SLC35D4: variants seen among roughly 807,000 people sequenced by gnomAD.
SLC35D4 encodes the protein solute carrier family 35 member D4, also known as UDP-N-acetylglucosamine transporter SLC35D4.
the SLC35D4 span, among the ~76,000 whole-genome samples, chr18:23,248,190 C>T: frequency 3.9e-5 from 6 of 152,182 alleles, no homozygotes; most frequent in African/African-American, 9.7e-5. Flanking sequence ...GGGAGTGTGG[C>T]GCAGGGGCAG....
the SLC35D4 span, among the ~76,000 whole-genome samples, chr18:23,384,723 C>T: frequency 0.022 from 3,313 of 152,344 alleles, 47 homozygotes; most frequent in Middle Eastern, 0.058. Flanking sequence ...AGCAGGCCCA[C>T]AGCAAACTCC....
chr18:23,291,087 C>T, the SLC35D4 span, among the ~76,000 whole-genome samples: 5 of 152,210 alleles, frequency 3.3e-5, no homozygotes, highest in East Asian at 1.9e-4. Context: ...GAATGAATGA[C>T]GTGCTTTGAG....
At chr18:23,371,511 G>A in the SLC35D4 span, 4 of 1,519,804 alleles carry the variant, frequency 2.6e-6, no homozygotes, top group East Asian at 2.3e-5. Context: ...GGCTATAAGT[G>A]CAAGGCAAAT....
the SLC35D4 span, among the ~76,000 whole-genome samples, chr18:23,376,027 C>CAT: frequency 6.6e-6 from 1 of 152,142 alleles, no homozygotes; most frequent in African/African-American, 2.4e-5. Context: ...ATAGAGGCAA[C>CAT]ATATATATAG....
the SLC35D4 span, among the ~76,000 whole-genome samples, chr18:23,329,092 C>G: frequency 6.6e-6 from 1 of 152,162 alleles, no homozygotes; most frequent in African/African-American, 2.4e-5. Context: ...AGACCTAAAA[C>G]CATAAAAACC....
the SLC35D4 span, chr18:23,430,762 A>G: frequency 3.8e-5 from 46 of 1,217,662 alleles, no homozygotes; most frequent in Admixed American, 2.3e-4. Context: ...CTATTAAAAA[A>G]CATAACCACA....
At chr18:23,370,805 C>A in the SLC35D4 span, among the ~76,000 whole-genome samples, 2 of 152,078 alleles carry the variant, frequency 1.3e-5, no homozygotes, top group East Asian at 3.9e-4. Flanking sequence ...TAGAGAAGAC[C>A]AATCAGCATT....
chr18:23,304,489 T>A, the SLC35D4 span, among the ~76,000 whole-genome samples: 1 of 143,914 alleles, frequency 6.9e-6, no homozygotes, highest in African/African-American at 2.6e-5. Flanking sequence ...GAATTATATA[T>A]AAATGACATT....
chr18:23,393,327 TACAACCATC>T, the SLC35D4 span, among the ~76,000 whole-genome samples: 1 of 152,294 alleles, frequency 6.6e-6, no homozygotes, highest in Non-Finnish European at 1.5e-5. Context: ...CACACCATTG[TACAACCATC>T]ACCACCCTCC....
the SLC35D4 span, among the ~76,000 whole-genome samples, chr18:23,276,889 A>G: frequency 6.6e-6 from 1 of 152,204 alleles, no homozygotes; most frequent in Admixed American, 6.5e-5. Context: ...TGCAGGACTC[A>G]TGGAGCTCAG....
chr18:23,242,052 G>A, the SLC35D4 span, among the ~76,000 whole-genome samples: 4 of 152,166 alleles, frequency 2.6e-5, no homozygotes, highest in Admixed American at 2.6e-4. Context: ...GAGGCGGGTG[G>A]ATCACCTGAG....
chr18:23,361,120 A>AAG, the SLC35D4 span, among the ~76,000 whole-genome samples: 266 of 138,242 alleles, frequency 1.9e-3, 1 homozygote, highest in African/African-American at 2.7e-3. Context: ...AAAAAAAAAA[A>AAG]AAAAAGAAAA....
the SLC35D4 span, among the ~76,000 whole-genome samples, chr18:23,345,841 A>C: frequency 6.6e-6 from 1 of 152,176 alleles, no homozygotes; most frequent in Non-Finnish European, 1.5e-5. Flanking sequence ...CCTCTCAAAA[A>C]GGTTTTATAG....
chr18:23,423,868 G>A, the SLC35D4 span, among the ~76,000 whole-genome samples: 1 of 152,140 alleles, frequency 6.6e-6, no homozygotes, highest in Non-Finnish European at 1.5e-5. Flanking sequence ...CCCCAGCACC[G>A]GAGCACTGGA....
chr18:23,253,974 G>T, the SLC35D4 span: 1 of 1,568,606 alleles, frequency 6.4e-7, no homozygotes, highest in Non-Finnish European at 8.8e-7. Flanking sequence ...AGGAGCACAT[G>T]CTCCGGTCCG....
the SLC35D4 span, among the ~76,000 whole-genome samples, chr18:23,275,856 T>G: frequency 6.6e-6 from 1 of 152,152 alleles, no homozygotes; most frequent in South Asian, 2.1e-4. Flanking sequence ...AGAACAGATG[T>G]CGTGTGACTC....
At chr18:23,384,001 T>TG in the SLC35D4 span, among the ~76,000 whole-genome samples, 12,425 of 37,232 alleles carry the variant, frequency 0.33, 2,824 homozygotes, top group Admixed American at 0.39. Context: ...TTCCAAAAAT[T>TG]GGGGGGGGGG....
the SLC35D4 span, among the ~76,000 whole-genome samples, chr18:23,275,208 C>T: frequency 6.6e-6 from 1 of 151,958 alleles, no homozygotes; most frequent in African/African-American, 2.4e-5. Flanking sequence ...AATGTTCTGC[C>T]TTCTCCTCAC....
At chr18:23,355,164 CAG>C in the SLC35D4 span, among the ~76,000 whole-genome samples, 2 of 152,148 alleles carry the variant, frequency 1.3e-5, 1 homozygote, top group South Asian at 4.1e-4. Context: ...TAAAATGTAA[CAG>C]AGTCACATCA....
Sources: allele counts gnomAD v4.1 joint callset (sites outside exome capture counted in the v4.1 genomes callset), GRCh38; gene constraint gnomAD v4.1.1; transcripts MANE v1.5; gene names NCBI Gene and HGNC (gene_info 2026-07-23, HGNC 2026-07-21).